Variants in IQSEC2 observed in about 807,000 individuals in gnomAD.
IQSEC2 encodes the protein IQ motif and SEC7 domain-containing protein 2.
IQSEC2 carries 6 observed loss-of-function variants against 74.6 expected under a neutral mutation model. The ratio of observed to expected loss-of-function variants is 0.08; its 90% confidence interval spans 0.04 to 0.16. IQSEC2 has a LOEUF of 0.16. Ranked by LOEUF, IQSEC2 falls within the 10% of genes least tolerant of loss-of-function variation. The pLI is 1.00. For missense variants in IQSEC2, 734 were observed against 1,306.2 expected, an observed-to-expected ratio of 0.56 and a Z score of 6.75; for synonymous variants, 494 against 544.5, an observed-to-expected ratio of 0.91 and a Z score of 1.29.
rs781847783 is a variant in IQSEC2, at chrX:53,302,307, AC to A, written c.708-10384del. 3.3e-3 allele frequency among the ~76,000 whole-genome samples: 367 copies of A among 112,225 alleles called. 2 individuals carry two copies. Among genetic ancestry groups the A allele is most frequent in the African/African-American group, 0.011 (351 of 30,916 alleles). The stretch of plus-strand genomic sequence containing the variant: ...CTTCTTGTTTATTTGTTTCTTTTCC[AC>A]ACCCATCCCAGACATCCATACACTA... On this transcript the variant is annotated intron_variant, in intron 1 of 14. Coordinates refer to ENST00000642864, the MANE Select transcript of IQSEC2 (RefSeq NM_001111125.3).
At chrX:53,268,777 A>C (rs1172458020) in intron 2 of IQSEC2, among the ~76,000 whole-genome samples, 10 of 112,107 alleles carry the variant, frequency 8.9e-5, no homozygotes, top group African/African-American at 3.2e-4. Context: ...TTCCTGTTAG[A>C]TGGCAAAAGC....
At chrX:53,244,885 T>G (rs1481734583) in intron 8 of IQSEC2, among the ~76,000 whole-genome samples, 1 of 111,553 alleles carries the variant, frequency 9.0e-6, no homozygotes, top group African/African-American at 3.3e-5. Flanking sequence ...AAATAAAGTA[T>G]GTATTACCTT....
chrX:53,308,313 G>C (rs868983725), intron 1 of IQSEC2, among the ~76,000 whole-genome samples: 21 of 109,626 alleles, frequency 1.9e-4, no homozygotes, highest in African/African-American at 3.3e-4. Context: ...TATATCACTT[G>C]TGATATGGTC....
At chrX:53,241,407 C>T (rs1182749410) in intron 10 of IQSEC2, among the ~76,000 whole-genome samples, 1 of 111,888 alleles carries the variant, frequency 8.9e-6, no homozygotes, top group Non-Finnish European at 1.9e-5. Flanking sequence ...AGTGCCGAGC[C>T]CACTTCAAGC....
chrX:53,286,483 C>T (rs1251111116), intron 2 of IQSEC2, among the ~76,000 whole-genome samples: 3 of 111,832 alleles, frequency 2.7e-5, no homozygotes, highest in African/African-American at 6.5e-5. Flanking sequence ...TTATCTCACA[C>T]GGCCCCTTGC....
chrX:53,294,650 A>G (rs1422993377), intron 1 of IQSEC2, among the ~76,000 whole-genome samples: 1 of 111,421 alleles, frequency 9.0e-6, no homozygotes, highest in Non-Finnish European at 1.9e-5. Context: ...GCCTTAAAAT[A>G]TTCTATTTCT....
intron 11 of IQSEC2, 24 bp from the exon 12 acceptor site, chrX:53,238,330 C>G: frequency 8.3e-7 from 1 of 1,203,976 alleles, no homozygotes; most frequent in Non-Finnish European, 1.1e-6. Flanking sequence ...GGAGACTGGG[C>G]ACCTCTGTTG....
At chrX:53,269,388 A>AGGG (rs1177853003) in intron 2 of IQSEC2, among the ~76,000 whole-genome samples, 2 of 110,759 alleles carry the variant, frequency 1.8e-5, no homozygotes, top group Non-Finnish European at 3.8e-5. Context: ...TGTAAGAAAG[A>AGGG]GGGGGCCCCT....
At position 53,235,223 on chromosome X, in the gene IQSEC2, G is replaced by T. The variant is rs1556859389; in HGVS notation, c.3502-39C>A. The T allele has an allele frequency of 9.5e-6, 11 of 1,162,170 alleles. No homozygotes were observed. In the South Asian group the frequency reaches 1.9e-4, roughly 20 times the overall value. On this transcript the variant is annotated intron_variant, in intron 14 of 14. Coordinates refer to ENST00000642864, the MANE Select transcript of IQSEC2 (RefSeq NM_001111125.3). ...GGGGGGAAGTCAGGCCAGGCTAGATGCCCTAAACCCCCAGCCCTAAATTCC... is the reference window on the plus strand; with the variant it reads ...GGGGGGAAGTCAGGCCAGGCTAGATTCCCTAAACCCCCAGCCCTAAATTCC...
rs782215601 is a variant in IQSEC2, at chrX:53,256,888, G to A, written c.738-827C>T. Among the ~76,000 whole-genome samples, 14 of 112,227 alleles carry A rather than the reference G, an allele frequency of 1.2e-4. No individual in the cohort carries two copies. In the East Asian group the frequency reaches 3.1e-3, roughly 25 times the overall value. ...CCACGCGTGGCAGGAGCTGGGCCCC[G>A]GGTCTTGCCTGCCCTGGTTTCCCAG... On this transcript the variant is annotated intron_variant, in intron 2 of 14. Coordinates refer to ENST00000642864, the MANE Select transcript of IQSEC2 (RefSeq NM_001111125.3).
intron 2 of IQSEC2, among the ~76,000 whole-genome samples, chrX:53,273,128 C>T (rs1451229091): frequency 1.8e-5 from 2 of 109,374 alleles, no homozygotes; most frequent in Admixed American, 9.9e-5. Context: ...ACTATTTTTC[C>T]CCTATGACGT....
chrX:53,250,952 G>C lies in IQSEC2; in HGVS notation c.1624C>G (p.Arg542Gly). The C allele has an allele frequency of 8.3e-7, 1 of 1,211,420 alleles. No homozygotes were observed. The highest frequency in any genetic ancestry group is 1.1e-6 in the Non-Finnish European group (1 of 895,021). The change falls in exon 5 of 15, where the codon CGG becomes GGG. Residue 542 changes from arginine (R) to glycine (G), a missense_variant. Coordinates refer to ENST00000642864, the MANE Select transcript of IQSEC2 (RefSeq NM_001111125.3). ...GGGGCTGGCGCCCAGAACTCGGGCCGGCCCTGGGGTGGGGGTTCTGTGCTG... is the reference window on the plus strand; with the variant it reads ...GGGGCTGGCGCCCAGAACTCGGGCCCGCCCTGGGGTGGGGGTTCTGTGCTG... ...LPSTEPPPQG[R>G]PEFWAPAPLP...
At chrX:53,320,396 G>T in intron 1 of IQSEC2, 21 bp downstream of exon 1, 1 of 1,136,424 alleles carries the variant, frequency 8.8e-7, no homozygotes, top group Non-Finnish European at 1.2e-6. Flanking sequence ...AGAGCCGGGG[G>T]TACAAACACA....
intron 10 of IQSEC2, among the ~76,000 whole-genome samples, chrX:53,240,729 A>C (rs1245675294): frequency 2.7e-5 from 3 of 110,081 alleles, no homozygotes; most frequent in African/African-American, 9.9e-5. Flanking sequence ...AAAGACAAAC[A>C]TCTCTACTTG....
intron 2 of IQSEC2, chrX:53,279,393 A>C: frequency 2.4e-6 from 1 of 422,736 alleles, no homozygotes; most frequent in Admixed American, 4.0e-5. Flanking sequence ...GATAGATCCC[A>C]AATGTCCTCT....
rs1266714335 is a variant in IQSEC2 at position 53,233,723 on chromosome X, G to C, written c.*496C>G. The C allele has an allele frequency of 6.8e-6, 2 of 294,444 alleles. No individual in the cohort carries two copies. Among genetic ancestry groups the C allele is most frequent in the Non-Finnish European group, 1.2e-5 (2 of 168,398 alleles). 24.3% of individuals were successfully genotyped at this position (294,444 alleles called of 1,213,427 possible). On this transcript the variant is annotated 3_prime_UTR_variant, in exon 15 of 15. Coordinates refer to ENST00000642864, the MANE Select transcript of IQSEC2 (RefSeq NM_001111125.3). ...AGTGTGTGGCCAGGCCCTGAGGTCA[G>C]AGAGAGGGCCAAGCCAGCTGAAGTT... is the stretch of plus-strand genomic sequence containing the variant.
intron 2 of IQSEC2, among the ~76,000 whole-genome samples, chrX:53,277,242 C>T (rs2074848508): frequency 9.1e-6 from 1 of 109,627 alleles, no homozygotes; most frequent in East Asian, 2.8e-4. Flanking sequence ...GATGGAGTCT[C>T]ACACCGTTGC....
chrX:53,320,649 G>A lies in IQSEC2; in HGVS notation c.475C>T (p.Leu159=). Reference sequence around the variant, plus strand: ...CCCAGGGCTGGGTTCTCGTGGTGCAGGTGGCACTGGGCCACGTCACGCTCG... The same window carrying A: ...CCCAGGGCTGGGTTCTCGTGGTGCAAGTGGCACTGGGCCACGTCACGCTCG... ...ARERDVAQCH[L]HHENPALGRE... is the part of the protein sequence containing the mutation. The change falls in exon 1 of 15, where the codon CTG becomes TTG. Residue 159 remains leucine, a synonymous_variant. Coordinates refer to ENST00000642864, the MANE Select transcript of IQSEC2 (RefSeq NM_001111125.3). The A allele has an allele frequency of 8.6e-7, 1 of 1,164,839 alleles. No individual in the cohort carries two copies. Among genetic ancestry groups the A allele is most frequent in the Non-Finnish European group, 1.1e-6 (1 of 871,447 alleles).
intron 1 of IQSEC2, among the ~76,000 whole-genome samples, chrX:53,315,680 T>C (rs1228515905): frequency 8.9e-6 from 1 of 112,174 alleles, no homozygotes; most frequent in Non-Finnish European, 1.9e-5. Context: ...TTAGAACAAA[T>C]AGTGCTTAGC....
Sources: allele counts gnomAD v4.1 joint callset (sites outside exome capture counted in the v4.1 genomes callset), GRCh38; gene constraint gnomAD v4.1.1; transcripts MANE v1.5; gene names NCBI Gene and HGNC (gene_info 2026-07-23, HGNC 2026-07-21).